The following GABBR2 variants were observed in gnomAD, a reference collection of about 807,000 sequenced individuals.
GABBR2 encodes G-protein coupled receptor 51.
In GABBR2, 23 loss-of-function variants were observed where a neutral mutation model predicts 105.6. The ratio of observed to expected loss-of-function variants is 0.22; its 90% confidence interval spans 0.16 to 0.31. The LOEUF (loss-of-function observed/expected upper bound fraction) is 0.31, where lower values mean the gene tolerates loss of function less well. Ranked by LOEUF, GABBR2 falls within the 10% of genes least tolerant of loss-of-function variation. The probability of loss-of-function intolerance (pLI) is 1.00; values close to 1 mark genes in which losing one functional copy is unlikely to be tolerated. For synonymous variants in GABBR2, 478 were observed against 499.7 expected, an observed-to-expected ratio of 0.96 and a Z score of 0.58; for missense variants, 734 against 1,245.5, an observed-to-expected ratio of 0.59 and a Z score of 6.18.
chr9:98,369,428 G>C (rs1389170616), intron 12 of GABBR2, among the ~76,000 whole-genome samples: 1 of 152,182 alleles, frequency 6.6e-6, no homozygotes, highest in Non-Finnish European at 1.5e-5. Flanking sequence ...TGAGGAGTGA[G>C]AGGTATCACC....
intron 13 of GABBR2, among the ~76,000 whole-genome samples, chr9:98,316,990 C>T (rs577938298): frequency 6.6e-6 from 1 of 152,306 alleles, no homozygotes; most frequent in East Asian, 1.9e-4. Context: ...TCACGTGCAT[C>T]ATTGTGTCAA....
intron 3 of GABBR2, among the ~76,000 whole-genome samples, chr9:98,519,486 G>C (rs1402807454): frequency 6.6e-6 from 1 of 152,268 alleles, no homozygotes; most frequent in African/African-American, 2.4e-5. Flanking sequence ...CATTTACTGA[G>C]TGCCTGTCAT....
At chr9:98,394,048 T>C (rs996598263) in intron 9 of GABBR2, 127 bp downstream of exon 9, 1 of 674,132 alleles carries the variant, frequency 1.5e-6, no homozygotes, top group Non-Finnish European at 2.7e-6. Context: ...ATTGAGTGCA[T>C]GTGTTGAGGA....
rs540162111 is a variant in GABBR2, at chr9:98,381,009, T to C, written c.1662+4631A>G. On this transcript the variant is annotated intron_variant, in intron 11 of 18. Coordinates refer to ENST00000259455, the MANE Select transcript of GABBR2 (RefSeq NM_005458.8). ...TGCGCCATGTCTGAACCTGGTCTCA[T>C]GGTCTACCTTGTCCCCTGTCCTTTA... is the stretch of plus-strand genomic sequence containing the variant. 8.5e-5 allele frequency among the ~76,000 whole-genome samples: 13 copies of C among 152,350 alleles called. No individual in the cohort carries two copies. The East Asian group carries it at 1.7e-3, about 20-fold the overall frequency.
intron 1 of GABBR2, among the ~76,000 whole-genome samples, chr9:98,635,068 G>A (rs62562859): frequency 6.6e-6 from 1 of 152,168 alleles, no homozygotes; most frequent in African/African-American, 2.4e-5. Flanking sequence ...AGGCTACTCA[G>A]TCCCAGTTCC....
In GABBR2 at chr9:98,353,596, A is replaced by G. The variant is rs574019120; in HGVS notation, c.1893+9119T>C. Among the ~76,000 whole-genome samples the G allele has an allele frequency of 2.0e-5, 3 of 152,350 alleles. No homozygotes were observed. The South Asian group carries it at 6.2e-4, about 32-fold the overall frequency. ...CTTAAATAATAAGACTTGAAAGTCA[A>G]AATTATTCCTTGATCCATGGACTGC... On this transcript the variant is annotated intron_variant, in intron 13 of 18. Transcript: ENST00000259455.
At chr9:98,495,162 C>G (rs776511338) in intron 4 of GABBR2, among the ~76,000 whole-genome samples, 3 of 152,242 alleles carry the variant, frequency 2.0e-5, no homozygotes, top group African/African-American at 7.2e-5. Context: ...TCTGCAGAGG[C>G]TCCCAAGGCT....
At chr9:98,449,594 A>T (rs1489936924) in intron 7 of GABBR2, among the ~76,000 whole-genome samples, 1 of 152,234 alleles carries the variant, frequency 6.6e-6, no homozygotes, top group Non-Finnish European at 1.5e-5. Context: ...ATTTTAAATG[A>T]AGCGCCCTGG....
chr9:98,415,004 G>C (rs1832662793), intron 7 of GABBR2, among the ~76,000 whole-genome samples: 1 of 152,086 alleles, frequency 6.6e-6, no homozygotes, highest in Non-Finnish European at 1.5e-5. Context: ...TACTGTGTTA[G>C]TCCACCAAGA....
Position 98,290,649 on chromosome 9 carries a change from G to A in GABBR2, c.2761C>T (p.Pro921Ser). The change falls in exon 19 of 19, where the codon CCC becomes TCC. Residue 921 changes from proline to serine, a missense_variant. This residue lies in a region of GABBR2 where 134 missense variants were observed against 171.2 expected (regional missense o/e 0.78). Coordinates refer to ENST00000259455, the MANE Select transcript of GABBR2 (RefSeq NM_005458.8). ...DASCVSPCVS[P>S]TASPRHRHVP... ...TGTCTGTGGCGGGGGCTGGCGGTGG[G>A]GCTGACGCAGGGGCTGACACAGCTG... 6.8e-7 allele frequency: 1 copy of A among 1,459,918 alleles called. No individual in the cohort carries two copies. Among genetic ancestry groups the A allele is most frequent in the Non-Finnish European group, 9.0e-7 (1 of 1,111,956 alleles). The allele number at this position is 1,459,918 out of a possible 1,614,324, so 90.4% of individuals were successfully genotyped here.
intron 1 of GABBR2, among the ~76,000 whole-genome samples, chr9:98,666,477 A>G (rs908122654): frequency 3.3e-5 from 5 of 152,222 alleles, no homozygotes; most frequent in African/African-American, 9.6e-5. Flanking sequence ...TTATGCCTGC[A>G]CTGTCCAATG....
chr9:98,523,942 A>G (rs534189518), intron 3 of GABBR2, among the ~76,000 whole-genome samples: 2 of 152,360 alleles, frequency 1.3e-5, no homozygotes, highest in Non-Finnish European at 2.9e-5. Flanking sequence ...AATTACATCA[A>G]TAAAAGAAGC....
chr9:98,344,870 T>TGGG (rs1831277641), intron 13 of GABBR2, among the ~76,000 whole-genome samples: 1 of 152,184 alleles, frequency 6.6e-6, no homozygotes, highest in South Asian at 2.1e-4. Flanking sequence ...CTGGACAAAC[T>TGGG]ACTCTTTTGT....
intron 9 of GABBR2, 83 bp from the exon 10 acceptor site, chr9:98,389,087 C>A: frequency 7.4e-6 from 9 of 1,213,322 alleles, no homozygotes; most frequent in Non-Finnish European, 9.4e-6. Context: ...CCCTGACATC[C>A]AGCCAGGCCC....
intron 3 of GABBR2, among the ~76,000 whole-genome samples, chr9:98,523,531 T>C (rs1311622596): frequency 6.6e-6 from 1 of 152,104 alleles, no homozygotes; most frequent in African/African-American, 2.4e-5. Context: ...ACAGGACCAT[T>C]TGGGAGTAGA....
chr9:98,432,318 T>C (rs1021756579), intron 7 of GABBR2, among the ~76,000 whole-genome samples: 2 of 152,024 alleles, frequency 1.3e-5, no homozygotes, highest in Admixed American at 1.3e-4. Flanking sequence ...GGGGTGGTGG[T>C]TGGGATTTCA....
intron 3 of GABBR2, among the ~76,000 whole-genome samples, chr9:98,508,620 C>T (rs915113635): frequency 5.3e-5 from 8 of 151,892 alleles, no homozygotes; most frequent in African/African-American, 1.5e-4. Context: ...GATTATATCC[C>T]GCGCATGGCT....
At chr9:98,381,118 C>T (rs1432509295) in intron 11 of GABBR2, among the ~76,000 whole-genome samples, 1 of 152,242 alleles carries the variant, frequency 6.6e-6, no homozygotes, top group South Asian at 2.1e-4. Flanking sequence ...CCTATCCCTC[C>T]TCCTACATCC....
At chr9:98,443,667 A>G (rs999577732) in intron 7 of GABBR2, among the ~76,000 whole-genome samples, 1 of 152,214 alleles carries the variant, frequency 6.6e-6, no homozygotes, top group African/African-American at 2.4e-5. Context: ...AATTCATTCA[A>G]TCAGCAAATA....
Sources: allele counts gnomAD v4.1 joint callset (sites outside exome capture counted in the v4.1 genomes callset), GRCh38; gene constraint gnomAD v4.1.1; regional missense constraint gnomAD v4.1.1; transcripts MANE v1.5; gene names NCBI Gene and HGNC (gene_info 2026-07-23, HGNC 2026-07-21).